The following SNX9 variants were observed in gnomAD, a reference collection of about 807,000 sequenced individuals.
SNX9 encodes the protein sorting nexin-9.
A neutral mutation model predicts 89.4 loss-of-function variants in SNX9; 44 were observed. The ratio of observed to expected loss-of-function variants is 0.49; its 90% CI spans 0.39 to 0.63. The LOEUF is 0.63. SNX9 is among the 30% of genes least tolerant of loss of function. SNX9 has a pLI of 0.00. For synonymous variants in SNX9, 236 were observed against 247.8 expected, an observed-to-expected ratio of 0.95 and a Z score of 0.45; for missense variants, 578 against 736.1, an observed-to-expected ratio of 0.79 and a Z score of 2.49.
At chr6:157,875,330 A>T in intron 4 of SNX9, 154 bp downstream of exon 4, 1 of 1,048,870 alleles carries the variant, frequency 9.5e-7, no homozygotes, top group Non-Finnish European at 1.3e-6. Flanking sequence ...TTGGGTACTA[A>T]CAAAGAAATC....
chr6:157,911,070 G>A (rs545961262), intron 9 of SNX9, among the ~76,000 whole-genome samples: 105 of 152,084 alleles, frequency 6.9e-4, no homozygotes, highest in Admixed American at 8.5e-4. Context: ...CCGAGATTGC[G>A]CCACCGCACT....
intron 6 of SNX9, among the ~76,000 whole-genome samples, chr6:157,903,689 T>C (rs1392481911): frequency 6.6e-6 from 1 of 152,240 alleles, no homozygotes. Flanking sequence ...TTCCAGCTCA[T>C]GCCTGGGGGT....
chr6:157,870,519 C>G (rs1389578843), intron 2 of SNX9, among the ~76,000 whole-genome samples: 3 of 151,108 alleles, frequency 2.0e-5, no homozygotes, highest in African/African-American at 7.3e-5. Flanking sequence ...CATGCACTCA[C>G]CTGTGCAAGC....
At chr6:157,829,926 G>A (rs951155218) in intron 1 of SNX9, among the ~76,000 whole-genome samples, 10 of 152,104 alleles carry the variant, frequency 6.6e-5, no homozygotes, top group African/African-American at 2.2e-4. Flanking sequence ...CTTTGTGGAA[G>A]GTTTGTGTTA....
chr6:157,916,178 G>A (rs1783467252), intron 9 of SNX9, among the ~76,000 whole-genome samples: 1 of 151,974 alleles, frequency 6.6e-6, no homozygotes, highest in Non-Finnish European at 1.5e-5. Context: ...GGGACTACAG[G>A]CACCCGCCAC....
rs141656005 is a variant in SNX9, at chr6:157,944,971, G to C, written c.*2133G>C. 1.3e-5 allele frequency: 2 copies of C among 152,156 alleles called. No individual in the cohort carries two copies. The highest frequency in any genetic ancestry group is 4.8e-5 in the African/African-American group (2 of 41,418). The allele number at this position is 152,156 out of a possible 1,614,324, so 9.4% of individuals were successfully genotyped here. A position where few individuals can be genotyped will look rare whatever the true frequency, so the allele number is the denominator to read the frequency against. ...CTCCGGGGAGTCACATGCACCATTTGGTTCTTAGATACGTTGATGTTTTGA... is the reference window on the plus strand; with the variant it reads ...CTCCGGGGAGTCACATGCACCATTTCGTTCTTAGATACGTTGATGTTTTGA... On this transcript the variant is annotated 3_prime_UTR_variant, in exon 18 of 18. Transcript: ENST00000392185.
At chr6:157,836,438 A>G (rs1781585111) in intron 1 of SNX9, among the ~76,000 whole-genome samples, 1 of 152,172 alleles carries the variant, frequency 6.6e-6, no homozygotes, top group Admixed American at 6.5e-5. Flanking sequence ...AACTCTTGCT[A>G]AAGTGATGAT....
chr6:157,926,771 A>T (rs1783700867), intron 10 of SNX9, among the ~76,000 whole-genome samples: 2 of 131,912 alleles, frequency 1.5e-5, no homozygotes, highest in Admixed American at 1.7e-4. Context: ...GCAAAGTGAG[A>T]CTCTGTCTCA....
intron 4 of SNX9, among the ~76,000 whole-genome samples, chr6:157,882,784 T>G (rs1782652638): frequency 6.6e-6 from 1 of 152,224 alleles, no homozygotes; most frequent in South Asian, 2.1e-4. Context: ...AGGAGTTGCT[T>G]CTTATGGATG....
In SNX9 at chr6:157,838,535, T is replaced by G. The variant is rs138622457; in HGVS notation, c.12+15089T>G. Among the ~76,000 whole-genome samples, 728 of 152,272 alleles carry G rather than the reference T, an allele frequency of 4.8e-3. 6 individuals carry two copies. Among genetic ancestry groups the G allele is most frequent in the African/African-American group, 0.016 (655 of 41,554 alleles). On this transcript the variant is annotated intron_variant, in intron 1 of 17. Transcript: ENST00000392185. ...GTCAGAAATGAGACCCTCTGACCTG[T>G]TTCCCTCCATTTAGCCATTGGAAAC...
intron 4 of SNX9, among the ~76,000 whole-genome samples, chr6:157,888,072 C>T (rs919567771): frequency 3.9e-5 from 6 of 152,190 alleles, no homozygotes; most frequent in African/African-American, 1.4e-4. Flanking sequence ...TGTTCACAGA[C>T]CAGCTGGGCT....
chr6:157,846,423 A>G (rs1472708631), intron 1 of SNX9, among the ~76,000 whole-genome samples: 1 of 152,256 alleles, frequency 6.6e-6, no homozygotes, highest in Admixed American at 6.5e-5. Context: ...AATCGTAGTT[A>G]AGAATACTGG....
intron 3 of SNX9, 142 bp from the exon 4 acceptor site, chr6:157,874,909 G>A (rs1019265150): frequency 2.1e-5 from 17 of 794,598 alleles, no homozygotes; most frequent in African/African-American, 5.3e-5. Flanking sequence ...TAAAATATGA[G>A]TATGCGGCAA....
intron 9 of SNX9, among the ~76,000 whole-genome samples, chr6:157,913,356 G>T (rs1182070221): frequency 6.6e-6 from 1 of 151,878 alleles, no homozygotes; most frequent in Non-Finnish European, 1.5e-5. Flanking sequence ...CTGCCACCCA[G>T]CCTGGAGTGC....
chr6:157,941,009 T>G, intron 17 of SNX9, 35 bp downstream of exon 17: 1 of 1,558,400 alleles, frequency 6.4e-7, no homozygotes, highest in Non-Finnish European at 8.9e-7. Flanking sequence ...CGCATGTGCT[T>G]GAGGAGAGGG....
chr6:157,831,167 C>G (rs952063390), intron 1 of SNX9, among the ~76,000 whole-genome samples: 3 of 152,230 alleles, frequency 2.0e-5, no homozygotes, highest in African/African-American at 7.2e-5. Context: ...CCATCCGTTT[C>G]TGCACATTCT....
At chr6:157,909,524 T>G in intron 7 of SNX9, 141 bp from the exon 8 acceptor site, 1 of 985,960 alleles carries the variant, frequency 1.0e-6, no homozygotes, top group Non-Finnish European at 1.5e-6. Flanking sequence ...CATTGAACCA[T>G]TTATGTACCT....
intron 6 of SNX9, among the ~76,000 whole-genome samples, chr6:157,904,606 G>A (rs1002549082): frequency 4.6e-5 from 7 of 151,612 alleles, no homozygotes; most frequent in African/African-American, 1.5e-4. Flanking sequence ...AGCTACTTGG[G>A]AGACTGAGGC....
intron 6 of SNX9, among the ~76,000 whole-genome samples, chr6:157,904,461 T>C (rs943462221): frequency 6.6e-6 from 1 of 151,608 alleles, no homozygotes; most frequent in Non-Finnish European, 1.5e-5. Flanking sequence ...ATCTTGATGA[T>C]GCTGAAATAA....
Sources: allele counts gnomAD v4.1 joint callset (sites outside exome capture counted in the v4.1 genomes callset), GRCh38; gene constraint gnomAD v4.1.1; transcripts MANE v1.5; gene names NCBI Gene and HGNC (gene_info 2026-07-23, HGNC 2026-07-21).